GLRA1: variants seen among roughly 807,000 people sequenced by gnomAD.
The protein encoded by GLRA1 is glycine receptor subunit alpha-1.
GLRA1 carries 37 observed loss-of-function variants against 48.3 expected under a neutral mutation model. The observed-to-expected ratio is 0.77, with a 90% CI of 0.59 to 1.01. The LOEUF is 1.01. GLRA1 is among the 50% of genes least tolerant of loss of function. GLRA1 has a pLI of 0.00. For synonymous variants in GLRA1, 196 were observed against 210.7 expected (o/e 0.93, Z 0.60); for missense variants, 427 against 571.0 (o/e 0.75, Z 2.57).
intron 1 of GLRA1, among the ~76,000 whole-genome samples, chr5:151,911,823 T>C (rs533361135): frequency 1.2e-3 from 184 of 152,204 alleles, no homozygotes; most frequent in African/African-American, 4.0e-3. Context: ...TTAGCCAGGA[T>C]GGTCTCGATC....
chr5:151,854,952 T>A (rs562056190), intron 6 of GLRA1, 88 bp downstream of exon 6: 295 of 1,369,214 alleles, frequency 2.2e-4, no homozygotes, highest in Non-Finnish European at 2.2e-5. Flanking sequence ...CTTCATAAGA[T>A]CTGTTGGATC....
At chr5:151,876,389 A>G (rs913948266) in intron 3 of GLRA1, among the ~76,000 whole-genome samples, 3 of 152,174 alleles carry the variant, frequency 2.0e-5, no homozygotes, top group African/African-American at 4.8e-5. Flanking sequence ...AAATCAGTCA[A>G]TTTGGTGCCG....
chr5:151,895,381 TATA>T (rs1754204595), intron 1 of GLRA1, among the ~76,000 whole-genome samples: 1 of 152,164 alleles, frequency 6.6e-6, no homozygotes, highest in Non-Finnish European at 1.5e-5. Flanking sequence ...TACTGTGAAA[TATA>T]ATATAGAATA....
intron 1 of GLRA1, among the ~76,000 whole-genome samples, chr5:151,900,168 G>T (rs1280836393): frequency 6.6e-6 from 1 of 152,094 alleles, no homozygotes; most frequent in Non-Finnish European, 1.5e-5. Context: ...GAAGAATGAG[G>T]TACCTAGTAA....
At chr5:151,914,530 G>C (rs752485139) in intron 1 of GLRA1, among the ~76,000 whole-genome samples, 3 of 152,204 alleles carry the variant, frequency 2.0e-5, no homozygotes, top group Non-Finnish European at 4.4e-5. Flanking sequence ...TCTTTGGTCT[G>C]AGTATAAGGG....
At chr5:151,923,950 C>T (rs1013417259) in intron 1 of GLRA1, among the ~76,000 whole-genome samples, 8 of 152,232 alleles carry the variant, frequency 5.3e-5, no homozygotes, top group African/African-American at 1.9e-4. Flanking sequence ...AGTAATCCCC[C>T]TCCCTCTTCG....
intron 7 of GLRA1, among the ~76,000 whole-genome samples, chr5:151,845,820 A>T (rs1245336707): frequency 1.3e-5 from 2 of 152,246 alleles, no homozygotes; most frequent in Non-Finnish European, 2.9e-5. Flanking sequence ...CAAATGCCTA[A>T]CTGCTGAATG....
At position 151,835,034 on chromosome 5, in the gene GLRA1, A is replaced by G. The variant is rs1763535782; in HGVS notation, c.913-5967T>C. Among the ~76,000 whole-genome samples, 12 of 150,316 alleles carry G rather than the reference A, an allele frequency of 8.0e-5. No individual in the cohort carries two copies. The South Asian group carries it at 2.5e-3, about 31-fold the overall frequency. ...CAGAGCGAGACAACATCTCAAAAAA[A>G]AAAAAAAAAAAAAAAAGAGAAGAAT... On this transcript the variant is annotated intron_variant, in intron 7 of 8. Coordinates refer to ENST00000274576, the MANE Select transcript of GLRA1 (RefSeq NM_000171.4).
Position 151,825,297 on chromosome 5 carries a change from TCTA to T in GLRA1, c.1060-2337_1060-2335del, listed in dbSNP as rs533222061. Among the ~76,000 whole-genome samples the T allele has an allele frequency of 3.3e-3, 494 of 151,528 alleles. 8 individuals carry two copies. The highest frequency in any genetic ancestry group is 0.012 in the African/African-American group (476 of 41,268). ...CCCCTTGCTGGAGCTGGGGTGTTGT[TCTA>T]TTTTTATTTTTATTTTTTATTTTAA... On this transcript the variant is annotated intron_variant, in intron 8 of 8. Coordinates refer to ENST00000274576, the MANE Select transcript of GLRA1 (RefSeq NM_000171.4).
At chr5:151,829,498 A>G (rs1763370096) in intron 7 of GLRA1, among the ~76,000 whole-genome samples, 2 of 152,322 alleles carry the variant, frequency 1.3e-5, no homozygotes, top group East Asian at 3.9e-4. Context: ...ACTTTTCAGA[A>G]CTCCACTAAT....
At chr5:151,883,403 G>T (rs1032861917) in intron 3 of GLRA1, among the ~76,000 whole-genome samples, 2 of 150,734 alleles carry the variant, frequency 1.3e-5, no homozygotes, top group African/African-American at 4.9e-5. Context: ...GCTCTTTGGA[G>T]TTATAGCAGT....
chr5:151,827,993 G>C (rs1356214252), intron 8 of GLRA1, among the ~76,000 whole-genome samples: 1 of 152,102 alleles, frequency 6.6e-6, no homozygotes, highest in Admixed American at 6.5e-5. Context: ...TAGGCACCAG[G>C]GATATAGCAC....
chr5:151,894,455 C>T (rs55776526), intron 1 of GLRA1, among the ~76,000 whole-genome samples: 5,352 of 152,232 alleles, frequency 0.035, 139 homozygotes, highest in Middle Eastern at 0.058. Context: ...CCTAGACTTG[C>T]TCCTCCAGAT....
intron 7 of GLRA1, among the ~76,000 whole-genome samples, chr5:151,835,048 AAAGAG>A (rs1409198183): frequency 1.8e-4 from 27 of 148,164 alleles, no homozygotes; most frequent in South Asian, 1.3e-3. Flanking sequence ...AAAAAAAAAA[AAAGAG>A]AAGAATGAAA....
intron 7 of GLRA1, among the ~76,000 whole-genome samples, chr5:151,849,460 C>CTTTCCTTTCCTTTCCTTTCCTTTCTTTCT (rs199535578): frequency 2.0e-5 from 1 of 49,890 alleles, no homozygotes; most frequent in African/African-American, 1.1e-4. Flanking sequence ...CCTTTCCTTC[C>CTTTCCTTTCCTTTCCTTTCCTTTCTTTCT]TTCCTTCCTT....
At chr5:151,891,113 A>C (rs1754056975) in intron 2 of GLRA1, among the ~76,000 whole-genome samples, 1 of 152,220 alleles carries the variant, frequency 6.6e-6, no homozygotes, top group African/African-American at 2.4e-5. Flanking sequence ...GAGGAAGGGC[A>C]CCTGAAATCA....
At chr5:151,900,946 G>A (rs1323131050) in intron 1 of GLRA1, among the ~76,000 whole-genome samples, 2 of 152,274 alleles carry the variant, frequency 1.3e-5, no homozygotes, top group Admixed American at 6.5e-5. Flanking sequence ...ATATATACCC[G>A]AAATTCCAGA....
chr5:151,853,346 A>C (rs576070911), intron 6 of GLRA1, among the ~76,000 whole-genome samples: 1 of 152,068 alleles, frequency 6.6e-6, no homozygotes, highest in East Asian at 1.9e-4. Flanking sequence ...TCCTGGGTTC[A>C]AGGGATCTCC....
intron 3 of GLRA1, among the ~76,000 whole-genome samples, chr5:151,864,522 C>T (rs1024613407): frequency 6.6e-6 from 1 of 152,194 alleles, no homozygotes; most frequent in Non-Finnish European, 1.5e-5. Flanking sequence ...GCCTGAGCCT[C>T]TAGTGAGCAC....
Sources: gnomAD v4.1 joint callset for allele counts (sites outside exome capture counted in the v4.1 genomes callset) on GRCh38, gnomAD v4.1.1 for gene constraint, MANE v1.5 for transcripts, NCBI Gene and HGNC (gene_info 2026-07-23, HGNC 2026-07-21) for gene names.